Variants in PDE4D observed in about 807,000 individuals in gnomAD.
PDE4D encodes 3',5'-cyclic-AMP phosphodiesterase 4D.
PDE4D carries 24 observed loss-of-function variants against 87.4 expected under a neutral mutation model. That is an observed-to-expected ratio of 0.27 (90% CI 0.20 to 0.39). PDE4D has a LOEUF of 0.39. PDE4D is among the 10% of genes least tolerant of loss of function. The probability of loss-of-function intolerance (pLI) is 1.00; values close to 1 mark genes in which losing one functional copy is unlikely to be tolerated. For missense variants in PDE4D, 714 were observed against 1,041.0 expected (o/e 0.69, Z 4.32); for synonymous variants, 384 against 383.2 (o/e 1.00, Z -0.02).
At chr5:59,538,207 C>A (rs159195) in intron 1 of PDE4D, among the ~76,000 whole-genome samples, 33,730 of 152,000 alleles carry the variant, frequency 0.22, 4,085 homozygotes, top group Middle Eastern at 0.28. Context: ...GAGTAGTGGC[C>A]CAATCACTAT....
At chr5:59,290,560 C>T (rs1480565592) in intron 1 of PDE4D, among the ~76,000 whole-genome samples, 2 of 151,864 alleles carry the variant, frequency 1.3e-5, no homozygotes, top group Non-Finnish European at 2.9e-5. Flanking sequence ...GCAACCAAAG[C>T]AAAAATGGAC....
chr5:59,199,821 T>G (rs1416250956), intron 2 of PDE4D, among the ~76,000 whole-genome samples: 1 of 152,026 alleles, frequency 6.6e-6, no homozygotes, highest in South Asian at 2.1e-4. Flanking sequence ...CTACTTGATC[T>G]TTATGTGTGT....
intron 1 of PDE4D, among the ~76,000 whole-genome samples, chr5:59,599,618 A>G (rs2153705951): frequency 6.6e-6 from 1 of 152,276 alleles, no homozygotes; most frequent in Admixed American, 6.5e-5. Context: ...ATTCATGCTA[A>G]ACCATCATCT....
chr5:59,714,533 G>T lies in PDE4D; in HGVS notation c.455+178635C>A, dbSNP rs147801848. On this transcript the variant is annotated intron_variant, in intron 1 of 14. Transcript: ENST00000340635. ...TAAACACCAGCGCTGATATATTCTG[G>T]GGGTGGATGTTTTACATGGCCTGAC... 1.7e-3 allele frequency among the ~76,000 whole-genome samples: 266 copies of T among 152,316 alleles called. 1 individual carries two copies. Among genetic ancestry groups the T allele is most frequent in the African/African-American group, 5.7e-3 (239 of 41,576 alleles).
intron 1 of PDE4D, chr5:59,276,142 A>G: frequency 1.0e-6 from 1 of 965,670 alleles, no homozygotes; most frequent in Non-Finnish European, 1.2e-6. Context: ...AAAAAAAAAA[A>G]AGAAAAGCCC....
At position 59,653,192 on chromosome 5, in the gene PDE4D, G is replaced by A. The variant is rs533528625; in HGVS notation, c.455+239976C>T. On this transcript the variant is annotated intron_variant, in intron 1 of 14. Transcript: ENST00000340635. ...CTGAACTGACTATTCTTCAAATAAT[G>A]TTAGCAAAAAAAAAAATTTTTTTTT... Among the ~76,000 whole-genome samples, 17 of 135,976 alleles carry A rather than the reference G, an allele frequency of 1.3e-4. No homozygotes were observed. In the East Asian group the frequency reaches 3.7e-3, roughly 29 times the overall value. The allele number at this position is 135,976 out of a possible 152,430, so 89.2% of individuals were successfully genotyped here.
intron 1 of PDE4D, among the ~76,000 whole-genome samples, chr5:59,683,120 T>C (rs899258176): frequency 1.3e-5 from 2 of 151,618 alleles, no homozygotes; most frequent in Non-Finnish European, 2.9e-5. Context: ...GATAATTCCA[T>C]GTTTTTAGGA....
At chr5:59,096,402 A>T (rs374625059) in intron 5 of PDE4D, among the ~76,000 whole-genome samples, 3 of 152,180 alleles carry the variant, frequency 2.0e-5, no homozygotes, top group African/African-American at 7.2e-5. Context: ...TTAGTGGGCA[A>T]TTGGTTGTTA....
chr5:60,002,338 G>A (rs1174508510), intron 2 of PDE4D, among the ~76,000 whole-genome samples: 2 of 151,590 alleles, frequency 1.3e-5, no homozygotes, highest in Admixed American at 1.3e-4. Flanking sequence ...ATTGTAGCAA[G>A]CATTTTAAGA....
intron 2 of PDE4D, among the ~76,000 whole-genome samples, chr5:60,071,126 C>G (rs1365298551): frequency 6.6e-6 from 1 of 151,814 alleles, no homozygotes; most frequent in Non-Finnish European, 1.5e-5. Flanking sequence ...TTATAAAAAA[C>G]CAGTAAAACC....
At chr5:59,399,925 C>A (rs1338227758) in intron 1 of PDE4D, among the ~76,000 whole-genome samples, 1 of 113,246 alleles carries the variant, frequency 8.8e-6, no homozygotes, top group South Asian at 3.2e-4. Context: ...GGGCGAAGGA[C>A]ATGAACAGAC....
chr5:60,237,126 C>CATTAAGGGA (rs1746519396), intron 1 of PDE4D, among the ~76,000 whole-genome samples: 2 of 151,916 alleles, frequency 1.3e-5, no homozygotes, highest in Admixed American at 1.3e-4. Flanking sequence ...CTGGATCTCT[C>CATTAAGGGA]ACATGTCATT....
intron 1 of PDE4D, among the ~76,000 whole-genome samples, chr5:59,463,961 G>T (rs1801152530): frequency 1.3e-5 from 2 of 152,156 alleles, no homozygotes; most frequent in Non-Finnish European, 2.9e-5. Context: ...TCAAACTCAG[G>T]GTTGAATGGA....
At chr5:59,893,105 AG>A (rs1452530592) in intron 1 of PDE4D, 62 bp downstream of exon 1, 17 of 1,458,164 alleles carry the variant, frequency 1.2e-5, no homozygotes, top group Non-Finnish European at 1.5e-5. Context: ...ACTTAGATGG[AG>A]TATTTGAGAA....
chr5:60,175,148 G>T (rs1341084669), intron 2 of PDE4D, among the ~76,000 whole-genome samples: 1 of 151,546 alleles, frequency 6.6e-6, no homozygotes, highest in African/African-American at 2.4e-5. Flanking sequence ...TTTTCTGTTT[G>T]GGTAATTTCT....
chr5:60,263,649 C>G (rs1446846061), intron 1 of PDE4D, among the ~76,000 whole-genome samples: 1 of 152,120 alleles, frequency 6.6e-6, no homozygotes, highest in Non-Finnish European at 1.5e-5. Flanking sequence ...TTAATGTAAG[C>G]TCAAACAAAC....
At chr5:59,973,845 A>G (rs1030703215) in intron 3 of PDE4D, among the ~76,000 whole-genome samples, 11 of 152,158 alleles carry the variant, frequency 7.2e-5, no homozygotes, top group Admixed American at 3.9e-4. Context: ...TTAAACAAAC[A>G]AACAAAAAAA....
At chr5:59,603,861 A>T (rs1379200348) in intron 1 of PDE4D, among the ~76,000 whole-genome samples, 1 of 152,016 alleles carries the variant, frequency 6.6e-6, no homozygotes, top group Admixed American at 6.6e-5. Flanking sequence ...TCTAGTCAAT[A>T]ACAATATGTT....
intron 1 of PDE4D, among the ~76,000 whole-genome samples, chr5:60,374,928 G>A (rs1761319701): frequency 6.6e-6 from 1 of 151,920 alleles, no homozygotes; most frequent in African/African-American, 2.4e-5. Context: ...GAATTTTACA[G>A]TGCAACAAAT....
Sources: gnomAD v4.1 joint callset for allele counts (sites outside exome capture counted in the v4.1 genomes callset) on GRCh38, gnomAD v4.1.1 for gene constraint, MANE v1.5 for transcripts, NCBI Gene and HGNC (gene_info 2026-07-23, HGNC 2026-07-21) for gene names.